Variants in THADA observed in about 807,000 individuals in gnomAD.
The protein encoded by THADA is tRNA (32-2'-O)-methyltransferase regulator THADA.
THADA carries 213 observed loss-of-function variants against 219.8 expected under a neutral mutation model. The observed-to-expected ratio is 0.97, with a 90% confidence interval of 0.87 to 1.09. THADA has a LOEUF of 1.09. Ranked by LOEUF, THADA falls within the 50% of genes least tolerant of loss-of-function variation. The pLI is 0.00. For missense variants in THADA, 2,956 were observed against 2,311.3 expected, an observed-to-expected ratio of 1.28 and a Z score of -5.72; for synonymous variants, 1,018 against 828.9, an observed-to-expected ratio of 1.23 and a Z score of -3.92.
chr2:43,539,867 A>G (rs1387840344), intron 21 of THADA, among the ~76,000 whole-genome samples: 1 of 152,108 alleles, frequency 6.6e-6, no homozygotes, highest in Non-Finnish European at 1.5e-5. Context: ...GCTGTCGCAC[A>G]CAAATTAAAT....
chr2:43,313,229 C>G (rs1235177115), intron 31 of THADA, among the ~76,000 whole-genome samples: 1 of 152,210 alleles, frequency 6.6e-6, no homozygotes, highest in African/African-American at 2.4e-5. Context: ...TGTTACCTAA[C>G]TTCCATTATA....
rs548036140 is a variant in THADA at position 43,593,668 on chromosome 2, C to A, written c.-24-1252G>T. On this transcript the variant is annotated intron_variant, in intron 1 of 37. Coordinates refer to ENST00000405975, the MANE Select transcript of THADA (RefSeq NM_022065.5). ...TTTTTTTTTGAGACGGAGTCTTGCT[C>A]CTTCGCCCATGCTGGAGTGCAGTGG... 4.2e-3 allele frequency among the ~76,000 whole-genome samples: 602 copies of A among 143,706 alleles called. 1 individual carries two copies. The highest frequency in any genetic ancestry group is 6.7e-3 in the Non-Finnish European group (449 of 66,828). The allele number at this position is 143,706 out of a possible 152,430, so 94.3% of individuals were successfully genotyped here. A position where few individuals can be genotyped will look rare whatever the true frequency, so the allele number is the denominator to read the frequency against.
At chr2:43,296,788 T>A (rs535566533) in intron 31 of THADA, among the ~76,000 whole-genome samples, 3 of 152,340 alleles carry the variant, frequency 2.0e-5, no homozygotes, top group African/African-American at 7.2e-5. Flanking sequence ...TTTCATTTAT[T>A]TGGCACAGTC....
chr2:43,451,450 G>A (rs1309716144), intron 26 of THADA, among the ~76,000 whole-genome samples: 1 of 152,118 alleles, frequency 6.6e-6, no homozygotes, highest in Non-Finnish European at 1.5e-5. Context: ...AACAGTTACT[G>A]TTGTTTTACT....
intron 26 of THADA, among the ~76,000 whole-genome samples, chr2:43,465,543 C>A (rs1684133151): frequency 6.6e-6 from 1 of 152,142 alleles, no homozygotes; most frequent in Non-Finnish European, 1.5e-5. Flanking sequence ...CAGAAAAACA[C>A]AACACAACAA....
chr2:43,398,235 C>T (rs1419536029), intron 28 of THADA, 96 bp from the exon 29 acceptor site: 1 of 1,349,464 alleles, frequency 7.4e-7, no homozygotes, highest in Non-Finnish European at 1.0e-6. Context: ...CCTGGAACAT[C>T]CAGGGGTTAG....
chr2:43,258,887 G>A (rs895436643), intron 36 of THADA, among the ~76,000 whole-genome samples: 1 of 152,126 alleles, frequency 6.6e-6, no homozygotes, highest in African/African-American at 2.4e-5. Context: ...TGCCAAAAAG[G>A]TTAGAAGGAC....
chr2:43,273,822 C>T (rs941872203), intron 36 of THADA, among the ~76,000 whole-genome samples: 2 of 152,104 alleles, frequency 1.3e-5, no homozygotes, highest in Non-Finnish European at 2.9e-5. Context: ...GCTCAAGGGT[C>T]GGGGCATATG....
At chr2:43,315,882 A>G (rs1350526756) in intron 31 of THADA, among the ~76,000 whole-genome samples, 1 of 152,006 alleles carries the variant, frequency 6.6e-6, no homozygotes, top group Admixed American at 6.6e-5. Context: ...ACACAGTCCT[A>G]CTCTCTGTCT....
intron 8 of THADA, 91 bp from the exon 9 acceptor site, chr2:43,578,698 G>T (rs192948814): frequency 8.4e-6 from 7 of 832,736 alleles, no homozygotes; most frequent in African/African-American, 5.2e-5. Flanking sequence ...AGATAGGCCT[G>T]GGTACAATTT....
intron 29 of THADA, among the ~76,000 whole-genome samples, chr2:43,358,430 G>A (rs1669118194): frequency 6.6e-6 from 1 of 152,180 alleles, no homozygotes; most frequent in Non-Finnish European, 1.5e-5. Context: ...TGTGGCTGAA[G>A]AGCAGGTCAG....
rs763566405 is a variant in THADA, at chr2:43,498,915, G to C, written c.3662C>G (p.Thr1221Arg). 6.3e-7 allele frequency: 1 copy of C among 1,593,662 alleles called. No individual in the cohort carries two copies. The highest frequency in any genetic ancestry group is 1.3e-5 in the African/African-American group (1 of 74,754). Residue 1221 changes from threonine to arginine, a missense_variant, in exon 25 of 38, where the codon ACG becomes AGG. Coordinates refer to ENST00000405975, the MANE Select transcript of THADA (RefSeq NM_022065.5). ...LNILRALFRD[T>R]RLGENIIPYV... The stretch of plus-strand genomic sequence containing the variant: ...AGGAATAATATTTTCTCCCAGGCGC[G>C]TATCTCTGAACAATGCTCTAAGGAT...
chr2:43,250,814 C>T (rs746574936), intron 36 of THADA, among the ~76,000 whole-genome samples: 10 of 152,184 alleles, frequency 6.6e-5, no homozygotes, highest in Non-Finnish European at 1.3e-4. Flanking sequence ...TAATTCAATT[C>T]TGTGTCCCTG....
intron 35 of THADA, among the ~76,000 whole-genome samples, chr2:43,284,729 C>T (rs773399530): frequency 1.1e-4 from 17 of 152,148 alleles, no homozygotes; most frequent in South Asian, 2.1e-4. Context: ...GTAGGTCCAC[C>T]GACAGCTTGC....
chr2:43,253,847 T>C (rs992710401), intron 36 of THADA, among the ~76,000 whole-genome samples: 1 of 152,172 alleles, frequency 6.6e-6, no homozygotes, highest in Admixed American at 6.5e-5. Context: ...AAATCTTTAC[T>C]GGTTCTCTGA....
intron 29 of THADA, among the ~76,000 whole-genome samples, chr2:43,391,543 T>C (rs1452515280): frequency 6.6e-6 from 1 of 152,224 alleles, no homozygotes; most frequent in Non-Finnish European, 1.5e-5. Context: ...TTTGGGCTTA[T>C]ATCCAGAAAG....
At position 43,549,277 on chromosome 2, in the gene THADA, A is replaced by G; in HGVS notation, c.3039T>C (p.His1013=). Residue 1013 remains histidine (H), a synonymous_variant, in exon 20 of 38, where the codon CAT becomes CAC. Transcript: ENST00000405975. ...TCAAGTCCTTCATATCAAAGCTATCATGTTCTTTCAATATTTTGGCTTGGT... is the reference window on the plus strand; with the variant it reads ...TCAAGTCCTTCATATCAAAGCTATCGTGTTCTTTCAATATTTTGGCTTGGT... ...YFNQAKILKE[H]DSFDMKDLNA... The G allele has an allele frequency of 6.3e-7, 1 of 1,596,914 alleles. No homozygotes were observed.
chr2:43,231,595 G>C (rs762403757), intron 37 of THADA, among the ~76,000 whole-genome samples: 1 of 152,190 alleles, frequency 6.6e-6, no homozygotes, highest in Non-Finnish European at 1.5e-5. Flanking sequence ...CTTGGATAAA[G>C]ATGTGTTTGT....
At chr2:43,515,094 A>AT (rs1691268368) in intron 22 of THADA, among the ~76,000 whole-genome samples, 1 of 34,566 alleles carries the variant, frequency 2.9e-5, no homozygotes, top group Non-Finnish European at 4.7e-5. Flanking sequence ...AAATATATAT[A>AT]TTATATATAA....
Sources: allele counts gnomAD v4.1 joint callset (sites outside exome capture counted in the v4.1 genomes callset), GRCh38; gene constraint gnomAD v4.1.1; transcripts MANE v1.5; gene names NCBI Gene and HGNC (gene_info 2026-07-23, HGNC 2026-07-21).